The following MASP1 variants were observed in gnomAD, a reference collection of about 807,000 sequenced individuals.
MASP1 encodes MBL associated serine protease 1, also known as mannan-binding lectin serine protease 1.
In MASP1, 59 loss-of-function variants were observed where a neutral mutation model predicts 77.1. That is an observed-to-expected ratio of 0.77 (90% confidence interval 0.62 to 0.95). The LOEUF (loss-of-function observed/expected upper bound fraction) is 0.95. Among genes scored for constraint, MASP1 ranks in the 40% least tolerant of loss-of-function variants. The pLI is 0.00. For missense variants in MASP1, 885 were observed against 912.9 expected (o/e 0.97, Z 0.39); for synonymous variants, 362 against 354.5 (o/e 1.02, Z -0.24).
intron 1 of MASP1, among the ~76,000 whole-genome samples, chr3:187,289,174 GC>G (rs1579601068): frequency 7.1e-6 from 1 of 140,384 alleles, no homozygotes; most frequent in Non-Finnish European, 1.5e-5. Context: ...GATTTCAGAG[GC>G]CCCCCGTAGG....
At chr3:187,225,246 C>T (rs1314437425) in intron 13 of MASP1, 7 of 1,524,298 alleles carry the variant, frequency 4.6e-6, no homozygotes, top group Admixed American at 3.4e-5. Context: ...TAATTGGCAC[C>T]AGAGCTTCAC....
At chr3:187,219,511 T>C (rs1348353720) in exon 16 of MASP1, 1 of 162,002 alleles carries the variant, frequency 6.2e-6, no homozygotes. Context: ...TGAAGATTGA[T>C]GTTGGGCAAG....
At chr3:187,272,743 A>G (rs1716627775) in intron 2 of MASP1, among the ~76,000 whole-genome samples, 1 of 152,186 alleles carries the variant, frequency 6.6e-6, no homozygotes, top group Non-Finnish European at 1.5e-5. Flanking sequence ...AGCCCTCAGA[A>G]GGAGCATGGT....
downstream of MASP1, among the ~76,000 whole-genome samples, chr3:187,230,844 ATTCTGGGC>A (rs1260105088): frequency 6.6e-6 from 1 of 152,198 alleles, no homozygotes; most frequent in Non-Finnish European, 1.5e-5. Flanking sequence ...CTGACTCCCA[ATTCTGGGC>A]TTTTCTTACT....
chr3:187,285,824 C>T lies in MASP1; in HGVS notation c.237+1G>A. 6.2e-7 allele frequency: 1 copy of T among 1,612,370 alleles called. No homozygotes were observed. The highest frequency in any genetic ancestry group is 8.5e-7 in the Non-Finnish European group (1 of 1,178,430). ...CAGTTAGGGGACATCAGGAGTCTCA[C>T]CTTCACATAGTCATATTCACAAAGG... is the stretch of plus-strand genomic sequence containing the variant. On this transcript the variant is annotated splice_donor_variant, in intron 2 of 10. Coordinates refer to ENST00000296280, the MANE Select transcript of MASP1 (RefSeq NM_139125.4). LOFTEE classifies it high-confidence loss of function.
chr3:187,227,073 C>T (rs1424230581), intron 11 of MASP1, among the ~76,000 whole-genome samples: 1 of 152,220 alleles, frequency 6.6e-6, no homozygotes, highest in Non-Finnish European at 1.5e-5. Context: ...GTTAGAATTA[C>T]CTGGTGAATG....
exon 16 of MASP1, chr3:187,220,085 C>T (rs1299818377): frequency 3.7e-6 from 6 of 1,613,590 alleles, no homozygotes; most frequent in African/African-American, 1.3e-5. Context: ...TTCCTCACTC[C>T]GGTGACCCTC....
intron 2 of MASP1, among the ~76,000 whole-genome samples, chr3:187,274,835 G>A (rs562997999): frequency 1.2e-3 from 180 of 152,292 alleles, no homozygotes; most frequent in Non-Finnish European, 2.2e-3. Flanking sequence ...GCTCTGGACA[G>A]AAAAGGGCAG....
At chr3:187,290,796 G>GTGTGTT (rs1251485527) in intron 1 of MASP1, among the ~76,000 whole-genome samples, 1 of 151,496 alleles carries the variant, frequency 6.6e-6, no homozygotes, top group African/African-American at 2.4e-5. Flanking sequence ...GTGTGTGTGT[G>GTGTGTT]TGTGTAACAG....
At chr3:187,261,977 T>C (rs1715616133) in intron 3 of MASP1, among the ~76,000 whole-genome samples, 1 of 152,154 alleles carries the variant, frequency 6.6e-6, no homozygotes, top group Non-Finnish European at 1.5e-5. Flanking sequence ...ACCCCCAAAA[T>C]GTATTCTGTA....
intron 4 of MASP1, 81 bp downstream of exon 4, chr3:187,260,660 C>T: frequency 6.3e-7 from 1 of 1,583,642 alleles, no homozygotes; most frequent in East Asian, 2.2e-5. Context: ...TATTGCATAT[C>T]TGTCTTTCTC....
chr3:187,259,957 G>C (rs1295593692), intron 4 of MASP1, among the ~76,000 whole-genome samples: 3 of 152,128 alleles, frequency 2.0e-5, no homozygotes, highest in Non-Finnish European at 2.9e-5. Flanking sequence ...TCTCTGCCTG[G>C]AAGGCCCTTC....
chr3:187,243,776 C>A (rs1214009678), intron 8 of MASP1, 155 bp from the exon 9 acceptor site: 2 of 869,928 alleles, frequency 2.3e-6, no homozygotes, highest in Admixed American at 1.8e-5. Flanking sequence ...CTGGGGTGTG[C>A]AGTGTACAGC....
chr3:187,289,163 A>G (rs1718097140), intron 1 of MASP1, among the ~76,000 whole-genome samples: 2 of 142,480 alleles, frequency 1.4e-5, no homozygotes, highest in African/African-American at 5.8e-5. Flanking sequence ...TATAGAGCTG[A>G]GATTTCAGAG....
At chr3:187,250,119 G>T in intron 8 of MASP1, 132 bp downstream of exon 8, 1 of 789,128 alleles carries the variant, frequency 1.3e-6, no homozygotes, top group Non-Finnish European at 2.3e-6. Flanking sequence ...CAACCCTTGT[G>T]TGTCTGTTAA....
intron 4 of MASP1, 119 bp downstream of exon 4, chr3:187,260,622 C>A: frequency 7.3e-7 from 1 of 1,366,416 alleles, no homozygotes; most frequent in South Asian, 1.2e-5. Flanking sequence ...GTCTGAGGTG[C>A]ATCATTGACT....
intron 14 of MASP1, among the ~76,000 whole-genome samples, chr3:187,221,752 ATG>A (rs1209816579): frequency 6.6e-6 from 1 of 152,200 alleles, no homozygotes; most frequent in African/African-American, 2.4e-5. Flanking sequence ...ATCTGTCTCG[ATG>A]CTGGATCTGT....
intron 2 of MASP1, among the ~76,000 whole-genome samples, chr3:187,274,009 A>T: frequency 6.6e-6 from 1 of 152,134 alleles, no homozygotes; most frequent in Admixed American, 6.5e-5. Flanking sequence ...GGAGTTCAAG[A>T]CCAGCCTGGC....
chr3:187,220,964 T>G, intron 15 of MASP1: 1 of 1,323,614 alleles, frequency 7.6e-7, no homozygotes, highest in Non-Finnish European at 1.1e-6. Flanking sequence ...GAGGCCTCTG[T>G]GCTCCCTTGC....
Sources: allele counts gnomAD v4.1 joint callset (sites outside exome capture counted in the v4.1 genomes callset), GRCh38; gene constraint gnomAD v4.1.1; transcripts MANE v1.5; gene names NCBI Gene and HGNC (gene_info 2026-07-23, HGNC 2026-07-21).